The following SMIM27 variants were observed in gnomAD, a reference collection of about 807,000 sequenced individuals.
The protein encoded by SMIM27 is TOPORS antisense RNA 1 (non-protein coding).
Under a neutral mutation model 1.8 loss-of-function variants are expected in SMIM27, and 3 were observed. The observed-to-expected ratio is 1.65, with a 90% CI of 0.75 to 4.28. SMIM27 has a LOEUF of 4.28. Among genes scored for constraint, SMIM27 ranks in the 30% most tolerant of loss-of-function variants. SMIM27 has a pLI of 0.02. For missense variants in SMIM27, 63 were observed against 37.0 expected (o/e 1.70, Z -1.83); for synonymous variants, 19 against 13.9 (o/e 1.37, Z -0.82).
chr9:32,564,074 A>C (rs1181492048), intron 1 of SMIM27, among the ~76,000 whole-genome samples: 1 of 152,236 alleles, frequency 6.6e-6, no homozygotes, highest in Non-Finnish European at 1.5e-5. Flanking sequence ...CTAATTACTA[A>C]GGAGTGGCAA....
intron 1 of SMIM27, among the ~76,000 whole-genome samples, chr9:32,561,416 C>T (rs186444578): frequency 6.5e-4 from 99 of 152,218 alleles, no homozygotes; most frequent in African/African-American, 2.4e-3. Context: ...CAACTTCTGC[C>T]TCCTGGTTTC....
upstream of SMIM27, chr9:32,552,309 G>A (rs1331971191): frequency 1.4e-6 from 2 of 1,381,472 alleles, no homozygotes; most frequent in Middle Eastern, 3.5e-4. Flanking sequence ...GCTGCACGAA[G>A]CGAGTGGGCG....
intron 1 of SMIM27, among the ~76,000 whole-genome samples, chr9:32,563,977 C>A (rs1235731290): frequency 6.6e-6 from 1 of 152,166 alleles, no homozygotes. Flanking sequence ...TTCTCTCCTC[C>A]CGCCCTAGAA....
At chr9:32,557,691 C>A (rs776879642), downstream of SMIM27, among the ~76,000 whole-genome samples, 3 of 151,952 alleles carry the variant, frequency 2.0e-5, no homozygotes, top group Non-Finnish European at 4.4e-5. Context: ...GTTGGCCAGG[C>A]TGGTCTCGAA....
downstream of SMIM27, chr9:32,554,095 C>A: frequency 2.0e-6 from 1 of 488,314 alleles, no homozygotes. Context: ...TAGAAGCTGA[C>A]TAAATCTGAA....
chr9:32,566,828 C>A (rs1821806656), exon 2 of SMIM27: 3 of 891,004 alleles, frequency 3.4e-6, no homozygotes, highest in Non-Finnish European at 5.4e-6. Flanking sequence ...TCTGTGGGGG[C>A]CTGCTCATCA....
At chr9:32,553,479 G>C (rs1821361263), downstream of SMIM27, 1 of 198,608 alleles carries the variant, frequency 5.0e-6, no homozygotes, top group African/African-American at 2.4e-5. Context: ...ATGAGCCACT[G>C]CGCCTGGCCG....
intron 1 of SMIM27, among the ~76,000 whole-genome samples, chr9:32,565,960 G>A (rs1821773525): frequency 6.6e-6 from 1 of 151,680 alleles, no homozygotes; most frequent in Admixed American, 6.6e-5. Context: ...CAACGAAAGT[G>A]AAACTCCACC....
At chr9:32,566,855 C>T (rs535724131) in exon 2 of SMIM27, 17 of 760,190 alleles carry the variant, frequency 2.2e-5, no homozygotes, top group East Asian at 9.1e-5. Context: ...AGCTGCCGGG[C>T]GGCCTGGATG....
upstream of SMIM27, among the ~76,000 whole-genome samples, chr9:32,552,007 G>A (rs143248313): frequency 4.7e-4 from 72 of 152,044 alleles, no homozygotes; most frequent in East Asian, 0.014. Flanking sequence ...GAGGGAGCGG[G>A]GGAGAAAGCG....
rs923042238 is a variant in SMIM27 at position 32,562,230 on chromosome 9, A to T, written c.46-4161A>T. ...TATACCTATCTTCCAACTTTACTAT[A>T]AAGTCTTTGAGGTCAGGAATTTGGT... On this transcript the variant is annotated intron_variant, in intron 1 of 1. Transcript: ENST00000451672. Among the ~76,000 whole-genome samples, 3 of 152,164 alleles carry T rather than the reference A, an allele frequency of 2.0e-5. No individual in the cohort carries two copies. In the East Asian group the frequency reaches 5.8e-4, roughly 29 times the overall value.
chr9:32,560,743 A>T (rs570649518), intron 1 of SMIM27, among the ~76,000 whole-genome samples: 1 of 152,354 alleles, frequency 6.6e-6, no homozygotes, highest in Non-Finnish European at 1.5e-5. Flanking sequence ...TTGTAAATGG[A>T]ATTGTTTCAG....
chr9:32,563,458 G>A (rs1053638314), intron 1 of SMIM27, among the ~76,000 whole-genome samples: 1 of 145,528 alleles, frequency 6.9e-6, no homozygotes, highest in African/African-American at 2.6e-5. Flanking sequence ...CGATCCTCCT[G>A]CTTCAGCCTC....
At chr9:32,558,116 C>T (rs1821520340) in intron 1 of SMIM27, among the ~76,000 whole-genome samples, 1 of 86,528 alleles carries the variant, frequency 1.2e-5, no homozygotes, top group African/African-American at 3.7e-5. Context: ...TCATAGTATA[C>T]ATTTTTTTTT....
intron 1 of SMIM27, among the ~76,000 whole-genome samples, chr9:32,564,512 T>TC (rs142291205): frequency 0.56 from 84,248 of 150,406 alleles, 23,699 homozygotes; most frequent in Middle Eastern, 0.69. Flanking sequence ...ATATTACACT[T>TC]TTTTAAAAAA....
At chr9:32,563,490 G>GTTTT (rs1239149080) in intron 1 of SMIM27, among the ~76,000 whole-genome samples, 1 of 47,562 alleles carries the variant, frequency 2.1e-5, no homozygotes, top group African/African-American at 9.0e-5. Flanking sequence ...GGACTATTGG[G>GTTTT]CTTTTTTTTT....
downstream of SMIM27, chr9:32,553,030 C>A: frequency 1.7e-6 from 1 of 576,498 alleles, no homozygotes; most frequent in South Asian, 2.2e-5. Context: ...TTTGCATTAT[C>A]CTTTATAACA....
chr9:32,564,927 T>C (rs1486007050), intron 1 of SMIM27, among the ~76,000 whole-genome samples: 2 of 152,202 alleles, frequency 1.3e-5, no homozygotes, highest in African/African-American at 4.8e-5. Flanking sequence ...AACGGCAGTT[T>C]CATGTGGTTC....
At chr9:32,564,626 C>T (rs1033058517) in intron 1 of SMIM27, among the ~76,000 whole-genome samples, 2 of 151,994 alleles carry the variant, frequency 1.3e-5, no homozygotes, top group African/African-American at 2.4e-5. Flanking sequence ...CCAGTCCCAC[C>T]CCCATGTCCC....
Sources: allele counts gnomAD v4.1 joint callset (sites outside exome capture counted in the v4.1 genomes callset), GRCh38; gene constraint gnomAD v4.1.1; transcripts MANE v1.5; gene names NCBI Gene and HGNC (gene_info 2026-07-23, HGNC 2026-07-21).